UNC13B: variants seen among roughly 807,000 people sequenced by gnomAD.
The protein encoded by UNC13B is protein unc-13 homolog B.
UNC13B carries 144 observed loss-of-function variants against 211.0 expected under a neutral mutation model. The ratio of observed to expected loss-of-function variants is 0.68; its 90% CI spans 0.60 to 0.78. The LOEUF is 0.78. UNC13B is among the 30% of genes least tolerant of loss of function. The probability of loss-of-function intolerance (pLI) is 0.00; values close to 1 mark genes in which losing one functional copy is unlikely to be tolerated. For missense variants in UNC13B, 1,777 were observed against 2,002.0 expected (o/e 0.89, Z 2.14); for synonymous variants, 709 against 725.8 (o/e 0.98, Z 0.37).
rs1403181801 is a variant in UNC13B at position 35,381,356 on chromosome 9, C to T, written c.10491+141C>T. 24 of 964,076 alleles carry T rather than the reference C, an allele frequency of 2.5e-5. No individual in the cohort carries two copies. In the East Asian group the frequency reaches 3.4e-4, roughly 14 times the overall value. The allele number at this position is 964,076 out of a possible 1,614,324, so 59.7% of individuals were successfully genotyped here. ...ATTCACTCTGTTACCCTGGAGAGTCCGAGTGACTGAACTCAGACTGCATTC... is the reference window on the plus strand; with the variant it reads ...ATTCACTCTGTTACCCTGGAGAGTCTGAGTGACTGAACTCAGACTGCATTC... On this transcript the variant is annotated intron_variant, in intron 19 of 39. Coordinates refer to ENST00000635942, the MANE Select transcript of UNC13B (RefSeq NM_001371189.2).
intron 1 of UNC13B, among the ~76,000 whole-genome samples, chr9:35,206,853 A>G (rs984969253): frequency 5.7e-5 from 8 of 139,756 alleles, no homozygotes; most frequent in East Asian, 2.1e-4. Context: ...CAGCCTGGTG[A>G]CAGAGTGAGA....
At position 35,366,982 on chromosome 9, in the gene UNC13B, G is replaced by A; in HGVS notation, c.9450G>A (p.Trp3150Ter). ...ATGGTGACCCCTCTCTGCCTCAGTG[G>A]CTCCCGGAAGGGTAAGTAATTCACT... ...PDDGDPSLPQWLPEGPAGGLY... is the reference protein window; with the variant it reads ...PDDGDPSLPQ Residue 3150 changes from tryptophan to a stop codon, truncating the protein, a stop_gained, in exon 12 of 40, where the codon TGG becomes TGA. Coordinates refer to ENST00000635942, the MANE Select transcript of UNC13B (RefSeq NM_001371189.2). LOFTEE classifies it high-confidence loss of function. The A allele has an allele frequency of 1.2e-6, 2 of 1,613,802 alleles. No individual in the cohort carries two copies. The highest frequency in any genetic ancestry group is 2.2e-5 in the South Asian group (2 of 91,064).
chr9:35,404,398 A>G lies in UNC13B; in HGVS notation c.*365A>G, dbSNP rs1237580167. On this transcript the variant is annotated 3_prime_UTR_variant, in exon 40 of 40. Transcript: ENST00000635942. The stretch of plus-strand genomic sequence containing the variant: ...ACACCTTATCCAGTTAGACACATAC[A>G]TACCAATCATTAGAAGAACAAGTTT... 5 of 248,768 alleles carry G rather than the reference A, an allele frequency of 2.0e-5. No homozygotes were observed. Among genetic ancestry groups the G allele is most frequent in the Non-Finnish European group, 3.9e-5 (5 of 127,572 alleles). 15.4% of individuals were successfully genotyped at this position (248,768 alleles called of 1,614,324 possible).
At chr9:35,388,876 T>C (rs1835350522) in intron 24 of UNC13B, among the ~76,000 whole-genome samples, 1 of 152,208 alleles carries the variant, frequency 6.6e-6, no homozygotes, top group African/African-American at 2.4e-5. Flanking sequence ...GAGGAGGGAT[T>C]GGATTGAAGA....
chr9:35,399,460 G>A lies in UNC13B; in HGVS notation c.12255+12G>A, dbSNP rs1836135454. The A allele has an allele frequency of 6.2e-7, 1 of 1,614,022 alleles. No homozygotes were observed. On this transcript the variant is annotated intron_variant, in intron 35 of 39. Transcript: ENST00000635942. ...TTTCCAAACTCAAGGTACTCTGGGT[G>A]TGGGGTCCTCCTGGCAGGTGTGGTC... is the stretch of plus-strand genomic sequence containing the variant.
chr9:35,247,168 G>A (rs1229073048), intron 6 of UNC13B, among the ~76,000 whole-genome samples: 1 of 152,158 alleles, frequency 6.6e-6, no homozygotes, highest in Admixed American at 6.6e-5. Flanking sequence ...TGTTATTGGT[G>A]TACAGGAATG....
chr9:35,364,645 G>A (rs1157866639), intron 11 of UNC13B: 1 of 1,408,710 alleles, frequency 7.1e-7, no homozygotes, highest in Non-Finnish European at 9.5e-7. Context: ...ATGTGTGTGT[G>A]TATGTGTGTG....
At chr9:35,173,992 G>T (rs1375663830) in intron 1 of UNC13B, among the ~76,000 whole-genome samples, 2 of 152,136 alleles carry the variant, frequency 1.3e-5, no homozygotes, top group Non-Finnish European at 2.9e-5. Context: ...AAGTATTGCT[G>T]ACATAATTGT....
rs757698118 is a variant in UNC13B at position 35,397,248 on chromosome 9, A to C, written c.11614A>C (p.Ile3872Leu). The C allele has an allele frequency of 6.2e-7, 1 of 1,614,168 alleles. No individual in the cohort carries two copies. Among genetic ancestry groups the C allele is most frequent in the East Asian group, 2.2e-5 (1 of 44,884 alleles). Residue 3872 changes from isoleucine to leucine, a missense_variant, in exon 29 of 40, where the codon ATC (isoleucine) becomes CTC (leucine). Ile to Leu is a conservative substitution (Grantham distance 5, BLOSUM62 2). Transcript: ENST00000635942. The stretch of plus-strand genomic sequence containing the variant: ...ACAACTCAATCAGAGCTTTGAGATC[A>C]TCCGGAAGCTGGAATGCCCAGACCC... ...FTQLNQSFEI[I>L]RKLECPDPSI...
At chr9:35,182,129 C>G (rs1369097710) in intron 1 of UNC13B, among the ~76,000 whole-genome samples, 1 of 152,200 alleles carries the variant, frequency 6.6e-6, no homozygotes, top group African/African-American at 2.4e-5. Context: ...GTTCCTATAT[C>G]ATCTTCAGTA....
At chr9:35,313,865 A>C (rs781368047) in intron 10 of UNC13B, 34 bp from the exon 11 acceptor site, 2 of 1,570,462 alleles carry the variant, frequency 1.3e-6, no homozygotes, top group Non-Finnish European at 1.8e-6. Flanking sequence ...GGCCTTGGCT[A>C]TTTTTAAGAA....
intron 11 of UNC13B, chr9:35,342,129 A>C (rs1403257351): frequency 1.0e-6 from 1 of 985,278 alleles, no homozygotes; most frequent in East Asian, 1.1e-4. Flanking sequence ...AGCTGGGTGC[A>C]ACTGAGAATA....
At chr9:35,361,660 A>G (rs1001551068) in intron 11 of UNC13B, 4 of 152,254 alleles carry the variant, frequency 2.6e-5, no homozygotes, top group African/African-American at 9.6e-5. Flanking sequence ...GAAGATGTTT[A>G]TACAGACAAC....
chr9:35,230,343 C>T (rs1426321959), intron 2 of UNC13B, among the ~76,000 whole-genome samples: 1 of 151,726 alleles, frequency 6.6e-6, no homozygotes, highest in Non-Finnish European at 1.5e-5. Context: ...TGGTGGCGCA[C>T]ACCTATAATC....
At chr9:35,397,068 G>T in intron 28 of UNC13B, 99 bp from the exon 29 acceptor site, 1 of 1,599,450 alleles carries the variant, frequency 6.3e-7, no homozygotes, top group Non-Finnish European at 8.5e-7. Context: ...GCTGTTGAGG[G>T]CCATTAGCCA....
intron 7 of UNC13B, among the ~76,000 whole-genome samples, chr9:35,285,995 A>T (rs1159131340): frequency 2.0e-5 from 3 of 152,098 alleles, no homozygotes; most frequent in African/African-American, 7.2e-5. Context: ...TTTCTAGAGA[A>T]TTTTTAACAC....
At chr9:35,246,423 C>T (rs1280840829) in intron 6 of UNC13B, among the ~76,000 whole-genome samples, 1 of 152,140 alleles carries the variant, frequency 6.6e-6, no homozygotes, top group Non-Finnish European at 1.5e-5. Context: ...GAAGTCCTTG[C>T]CCATGCCTAT....
At chr9:35,197,249 C>T (rs114258237) in intron 1 of UNC13B, among the ~76,000 whole-genome samples, 65 of 151,762 alleles carry the variant, frequency 4.3e-4, no homozygotes, top group African/African-American at 1.4e-3. Flanking sequence ...GCTCTCTCAC[C>T]GAGGCTGGGG....
At chr9:35,349,017 A>G (rs908785345) in intron 11 of UNC13B, among the ~76,000 whole-genome samples, 1 of 152,052 alleles carries the variant, frequency 6.6e-6, no homozygotes, top group African/African-American at 2.4e-5. Flanking sequence ...TCCTGGGTTC[A>G]AGTGATTCTC....
Sources: gnomAD v4.1 joint callset for allele counts (sites outside exome capture counted in the v4.1 genomes callset) on GRCh38, gnomAD v4.1.1 for gene constraint, MANE v1.5 for transcripts, NCBI Gene and HGNC (gene_info 2026-07-23, HGNC 2026-07-21) for gene names.